Variants in CDH10 observed in about 807,000 individuals in gnomAD.
CDH10 encodes the protein cadherin 10.
A neutral mutation model predicts 73.1 loss-of-function variants in CDH10; 30 were observed. That is an observed-to-expected ratio of 0.41 (90% CI 0.31 to 0.56). CDH10 has a LOEUF of 0.56. Ranked by LOEUF, CDH10 falls within the 20% of genes least tolerant of loss-of-function variation. CDH10 has a pLI of 0.27. For missense variants in CDH10, 815 were observed against 973.7 expected (o/e 0.84, Z 2.17); for synonymous variants, 345 against 348.2 (o/e 0.99, Z 0.10).
chr5:24,488,523 C>T (rs1342320107), intron 11 of CDH10, among the ~76,000 whole-genome samples: 1 of 152,018 alleles, frequency 6.6e-6, no homozygotes, highest in East Asian at 1.9e-4. Context: ...TATAAATCTA[C>T]ACAAATTGAA....
Position 24,537,643 on chromosome 5 carries a change from G to C in CDH10, c.263C>G (p.Ser88Ter), listed in dbSNP as rs1186109984. ...LHSDQDKGDG[S>*]LKYILSGDGA... is the part of the protein sequence containing the mutation. ...ATCTCCAGATAAGATATATTTGAGT[G>C]ATCCATCTCCTTTATCTTGGTCTGA... is the stretch of plus-strand genomic sequence containing the variant. The change falls in exon 3 of 12, where the codon TCA becomes TGA. Residue 88 changes from serine (S) to a stop codon, truncating the protein, a stop_gained. Coordinates refer to ENST00000264463, the MANE Select transcript of CDH10 (RefSeq NM_006727.5). LOFTEE classifies it high-confidence loss of function. 6.2e-7 allele frequency: 1 copy of C among 1,601,834 alleles called. No homozygotes were observed.
At position 24,536,282 on chromosome 5, in the gene CDH10, T is replaced by C. The variant is rs375490682; in HGVS notation, c.527-460A>G. Among the ~76,000 whole-genome samples the C allele has an allele frequency of 7.9e-5, 12 of 152,040 alleles. 1 individual carries two copies. The East Asian group carries it at 9.7e-4, about 12-fold the overall frequency. ...GATTAAATTCTAAATTTAGAAACAATTCAACATGATCCCAAGTTCCATGAA... is the reference window on the plus strand; with the variant it reads ...GATTAAATTCTAAATTTAGAAACAACTCAACATGATCCCAAGTTCCATGAA... On this transcript the variant is annotated intron_variant, in intron 3 of 11. Coordinates refer to ENST00000264463, the MANE Select transcript of CDH10 (RefSeq NM_006727.5).
At position 24,607,295 on chromosome 5, in the gene CDH10, A is replaced by G. The variant is rs541084525; in HGVS notation, c.-123-13682T>C. On this transcript the variant is annotated intron_variant, in intron 1 of 11. Coordinates refer to ENST00000264463, the MANE Select transcript of CDH10 (RefSeq NM_006727.5). Reference sequence around the variant, plus strand: ...AGTAAGATTACATTTTCCCTTGGAGACAGGCACAAGGGTGGGAGAGTTACT... The same window carrying G: ...AGTAAGATTACATTTTCCCTTGGAGGCAGGCACAAGGGTGGGAGAGTTACT... 1.1e-3 allele frequency among the ~76,000 whole-genome samples: 175 copies of G among 152,314 alleles called. 1 individual carries two copies. The highest frequency in any genetic ancestry group is 1.8e-3 in the Non-Finnish European group (120 of 68,024).
At chr5:24,590,968 T>G (rs1421460383) in intron 2 of CDH10, among the ~76,000 whole-genome samples, 1 of 152,072 alleles carries the variant, frequency 6.6e-6, no homozygotes, top group African/African-American at 2.4e-5. Context: ...GAATAATTTC[T>G]GAAAGAAAAT....
chr5:24,537,630 G>A lies in CDH10; in HGVS notation c.276C>T (p.Ile92=), dbSNP rs2111896971. The part of the protein sequence containing the change: ...QDKGDGSLKY[I]LSGDGAGTLF... Reference sequence around the variant, plus strand: ...GAGTACCAGCTCCATCTCCAGATAAGATATATTTGAGTGATCCATCTCCTT... The same window carrying A: ...GAGTACCAGCTCCATCTCCAGATAAAATATATTTGAGTGATCCATCTCCTT... The change falls in exon 3 of 12, where the codon ATC becomes ATT. Residue 92 remains isoleucine, a synonymous_variant. Transcript: ENST00000264463. 1 of 1,604,078 alleles carries A rather than the reference G, an allele frequency of 6.2e-7. No homozygotes were observed. The highest frequency in any genetic ancestry group is 1.3e-5 in the African/African-American group (1 of 74,758).
intron 9 of CDH10, among the ~76,000 whole-genome samples, chr5:24,494,898 G>T (rs1742211911): frequency 1.3e-5 from 2 of 152,148 alleles, no homozygotes; most frequent in East Asian, 3.9e-4. Context: ...ATATTTTTAT[G>T]ACCTTAAGAC....
At chr5:24,604,898 A>AAAAAAAAAAAAAAAAAAAAAAAAAAAAAC (rs1746703525) in intron 1 of CDH10, among the ~76,000 whole-genome samples, 1 of 147,498 alleles carries the variant, frequency 6.8e-6, no homozygotes, top group African/African-American at 2.6e-5. Context: ...AAAAAAAACA[A>AAAAAAAAAAAAAAAAAAAAAAAAAAAAAC]AAACAAACAA....
chr5:24,505,373 A>G, intron 7 of CDH10, 125 bp from the exon 8 acceptor site: 1 of 753,112 alleles, frequency 1.3e-6, no homozygotes, highest in Non-Finnish European at 2.2e-6. Context: ...CTGATCTGGA[A>G]TGTAGATTGT....
intron 9 of CDH10, 28 bp from the exon 10 acceptor site, chr5:24,492,953 C>A (rs371072834): frequency 1.7e-4 from 145 of 850,926 alleles, no homozygotes; most frequent in Admixed American, 4.0e-4. Context: ...TATATCTCAT[C>A]AATATATCTC....
At chr5:24,599,437 G>A (rs1746484392) in intron 1 of CDH10, among the ~76,000 whole-genome samples, 1 of 152,082 alleles carries the variant, frequency 6.6e-6, no homozygotes, top group Non-Finnish European at 1.5e-5. Context: ...CCACAGCTTG[G>A]AGAAAGAATC....
At chr5:24,535,579 G>T in intron 4 of CDH10, 124 bp downstream of exon 4, 1 of 844,416 alleles carries the variant, frequency 1.2e-6, no homozygotes, top group Non-Finnish European at 1.8e-6. Context: ...ATCTTTAAGT[G>T]TTGTGTCTTC....
At chr5:24,593,152 T>G (rs1746256265) in intron 2 of CDH10, 108 bp downstream of exon 2, 2 of 657,824 alleles carry the variant, frequency 3.0e-6, no homozygotes, top group Non-Finnish European at 5.4e-6. Context: ...TTTAGGGAGA[T>G]TTAAAGAATC....
At chr5:24,621,839 C>CAG (rs1315385622) in intron 1 of CDH10, among the ~76,000 whole-genome samples, 1 of 152,120 alleles carries the variant, frequency 6.6e-6, no homozygotes, top group Non-Finnish European at 1.5e-5. Context: ...CACACACACA[C>CAG]AGATATAAAC....
chr5:24,543,238 T>C (rs193301697), intron 2 of CDH10, among the ~76,000 whole-genome samples: 31 of 152,294 alleles, frequency 2.0e-4, no homozygotes, highest in Non-Finnish European at 3.7e-4. Context: ...ATTCAGAATA[T>C]TGATACCATT....
At chr5:24,638,119 AT>A (rs1325790527) in intron 1 of CDH10, among the ~76,000 whole-genome samples, 1 of 151,768 alleles carries the variant, frequency 6.6e-6, no homozygotes, top group Admixed American at 6.6e-5. Context: ...TAAAGAAAAT[AT>A]TTTTCTCAAC....
chr5:24,566,276 G>A (rs901570634), intron 2 of CDH10, among the ~76,000 whole-genome samples: 13 of 152,120 alleles, frequency 8.5e-5, no homozygotes, highest in Admixed American at 7.2e-4. Context: ...TCGAACTCCT[G>A]ACCTCAAGTG....
intron 2 of CDH10, among the ~76,000 whole-genome samples, chr5:24,585,679 C>T (rs1350457040): frequency 1.3e-5 from 2 of 152,208 alleles, no homozygotes; most frequent in African/African-American, 4.8e-5. Context: ...CTGTCTCAGC[C>T]TCCCAAAGTG....
intron 6 of CDH10, 65 bp from the exon 7 acceptor site, chr5:24,509,884 T>G (rs1332250512): frequency 9.3e-6 from 12 of 1,286,220 alleles, no homozygotes; most frequent in Non-Finnish European, 1.3e-5. Context: ...CCCACCCAGT[T>G]ACAGTATGAT....
rs139114788 is a variant in CDH10 at position 24,600,949 on chromosome 5, T to G, written c.-123-7336A>C. Among the ~76,000 whole-genome samples, 445 of 152,188 alleles carry G rather than the reference T, an allele frequency of 2.9e-3. 5 individuals are homozygous for G. The highest frequency in any genetic ancestry group is 0.01 in the African/African-American group (430 of 41,540). On this transcript the variant is annotated intron_variant, in intron 1 of 11. Transcript: ENST00000264463. The stretch of plus-strand genomic sequence containing the variant: ...ACTGTAGACAGTGTTGGGTTATGTC[T>G]TTGATGGGCCCTAGGCAGTTTGTAT...
Sources: gnomAD v4.1 joint callset for allele counts (sites outside exome capture counted in the v4.1 genomes callset) on GRCh38, gnomAD v4.1.1 for gene constraint, MANE v1.5 for transcripts, NCBI Gene and HGNC (gene_info 2026-07-23, HGNC 2026-07-21) for gene names.